The following TTC28 variants were observed in gnomAD, a reference collection of about 807,000 sequenced individuals.
The protein encoded by TTC28 is tetratricopeptide repeat domain 28.
Under a neutral mutation model 198.0 loss-of-function variants are expected in TTC28, and 61 were observed. The ratio of observed to expected loss-of-function variants is 0.31; its 90% CI spans 0.25 to 0.38. The LOEUF (loss-of-function observed/expected upper bound fraction) is 0.38, where lower values mean the gene tolerates loss of function less well. Ranked by LOEUF, TTC28 falls within the 10% of genes least tolerant of loss-of-function variation. TTC28 has a pLI of 1.00. For missense variants in TTC28, 2,678 were observed against 3,164.0 expected, an observed-to-expected ratio of 0.85 and a Z score of 3.69; for synonymous variants, 1,171 against 1,297.8, an observed-to-expected ratio of 0.90 and a Z score of 2.10.
chr22:28,673,620 T>C (rs764836920), intron 1 of TTC28, among the ~76,000 whole-genome samples: 2 of 152,236 alleles, frequency 1.3e-5, no homozygotes, highest in Non-Finnish European at 2.9e-5. Context: ...ACTAAGATTA[T>C]TGTCCTCTAA....
intron 2 of TTC28, among the ~76,000 whole-genome samples, chr22:28,627,987 C>T (rs998962024): frequency 3.9e-5 from 6 of 152,084 alleles, no homozygotes; most frequent in African/African-American, 1.4e-4. Context: ...CTCACTGCAG[C>T]CTCTACCTCC....
intron 2 of TTC28, among the ~76,000 whole-genome samples, chr22:28,343,141 A>G (rs1601661065): frequency 6.6e-6 from 1 of 152,238 alleles, no homozygotes. Flanking sequence ...TCCAAAATGT[A>G]TAATCCATGA....
At chr22:28,609,383 G>A (rs985413485) in intron 2 of TTC28, among the ~76,000 whole-genome samples, 4 of 152,134 alleles carry the variant, frequency 2.6e-5, no homozygotes, top group African/African-American at 4.8e-5. Context: ...TGAGGTACCT[G>A]GTTCATCTCA....
At chr22:28,018,900 T>C (rs561402008) in intron 13 of TTC28, among the ~76,000 whole-genome samples, 1 of 152,354 alleles carries the variant, frequency 6.6e-6, no homozygotes, top group African/African-American at 2.4e-5. Context: ...TCCACCATCA[T>C]TAGTGCTGCT....
chr22:28,596,511 GAAATTA>G (rs1392265977), intron 2 of TTC28, among the ~76,000 whole-genome samples: 2 of 152,098 alleles, frequency 1.3e-5, no homozygotes, highest in Non-Finnish European at 2.9e-5. Flanking sequence ...TTAATACTTA[GAAATTA>G]AAATTACTAT....
At chr22:28,281,396 A>C (rs1281927393) in intron 5 of TTC28, among the ~76,000 whole-genome samples, 1 of 105,542 alleles carries the variant, frequency 9.5e-6, no homozygotes, top group African/African-American at 4.0e-5. Flanking sequence ...TCCATCAATG[A>C]CTAATTTGAT....
intron 2 of TTC28, among the ~76,000 whole-genome samples, chr22:28,421,664 T>C (rs972053456): frequency 2.9e-4 from 44 of 152,292 alleles, no homozygotes; most frequent in African/African-American, 1.0e-3. Flanking sequence ...AGAAGAGTCA[T>C]GGGCCGGGTG....
intron 5 of TTC28, among the ~76,000 whole-genome samples, chr22:28,164,728 C>T: frequency 6.6e-6 from 1 of 152,166 alleles, no homozygotes; most frequent in East Asian, 1.9e-4. Context: ...CTCTAAAAAT[C>T]AGAGTGCCTC....
intron 2 of TTC28, among the ~76,000 whole-genome samples, chr22:28,620,720 G>T (rs1478508157): frequency 6.6e-6 from 1 of 152,168 alleles, no homozygotes; most frequent in East Asian, 1.9e-4. Flanking sequence ...GGGTGCTCAG[G>T]GCGTTGTGCC....
intron 2 of TTC28, among the ~76,000 whole-genome samples, chr22:28,624,848 T>G (rs1049864042): frequency 1.3e-5 from 2 of 152,228 alleles, no homozygotes; most frequent in African/African-American, 2.4e-5. Context: ...CTTCACGAAA[T>G]TTTAGCAAAG....
intron 17 of TTC28, among the ~76,000 whole-genome samples, chr22:27,993,797 C>T (rs144566380): frequency 1.4e-3 from 206 of 152,294 alleles, no homozygotes; most frequent in Middle Eastern, 0.01. Context: ...ACACTCTCCG[C>T]AGACAGTAAA....
intron 2 of TTC28, among the ~76,000 whole-genome samples, chr22:28,476,615 C>T (rs1372678507): frequency 3.3e-5 from 5 of 152,122 alleles, no homozygotes; most frequent in Admixed American, 2.6e-4. Context: ...TGTTAAATGG[C>T]ATTTCTATAA....
chr22:28,141,687 C>T (rs952901525), intron 6 of TTC28, among the ~76,000 whole-genome samples: 2 of 152,130 alleles, frequency 1.3e-5, no homozygotes, highest in African/African-American at 4.8e-5. Context: ...TTTTCACACT[C>T]ACAATCTCTC....
intron 5 of TTC28, among the ~76,000 whole-genome samples, chr22:28,240,042 T>C (rs1929556311): frequency 2.0e-5 from 3 of 152,220 alleles, no homozygotes; most frequent in African/African-American, 7.2e-5. Flanking sequence ...GTCCACTAGA[T>C]GACAGAAATG....
chr22:28,179,725 T>C (rs1246796775), intron 5 of TTC28, among the ~76,000 whole-genome samples: 1 of 152,326 alleles, frequency 6.6e-6, no homozygotes, highest in Middle Eastern at 3.4e-3. Flanking sequence ...GTAATGAATA[T>C]ACAGTGGGCA....
intron 5 of TTC28, among the ~76,000 whole-genome samples, chr22:28,204,211 C>A (rs941816786): frequency 1.3e-5 from 2 of 152,220 alleles, no homozygotes; most frequent in East Asian, 3.9e-4. Flanking sequence ...AGAAAGACAT[C>A]CCACTCTCTT....
At chr22:28,336,726 C>G (rs536423815) in intron 2 of TTC28, among the ~76,000 whole-genome samples, 1 of 152,094 alleles carries the variant, frequency 6.6e-6, no homozygotes, top group Non-Finnish European at 1.5e-5. Flanking sequence ...TGATTCTTCT[C>G]TCTTTTCTTC....
intron 2 of TTC28, among the ~76,000 whole-genome samples, chr22:28,417,654 T>C (rs2047188580): frequency 6.6e-6 from 1 of 152,214 alleles, no homozygotes; most frequent in Non-Finnish European, 1.5e-5. Flanking sequence ...CCAAGGCATA[T>C]GCACATGCAT....
chr22:28,035,191 C>G (rs77441146), intron 12 of TTC28, among the ~76,000 whole-genome samples: 97 of 152,290 alleles, frequency 6.4e-4, no homozygotes, highest in East Asian at 6.4e-3. Context: ...TTCCCCACCC[C>G]CCTCCAGGCT....
Sources: gnomAD v4.1 joint callset for allele counts (sites outside exome capture counted in the v4.1 genomes callset) on GRCh38, gnomAD v4.1.1 for gene constraint, MANE v1.5 for transcripts, NCBI Gene and HGNC (gene_info 2026-07-23, HGNC 2026-07-21) for gene names.